CERS6: variants seen among roughly 807,000 people sequenced by gnomAD.
The protein encoded by CERS6 is LAG1 homolog, ceramide synthase 6.
In CERS6, 26 loss-of-function variants were observed where a neutral mutation model predicts 56.8. The ratio of observed to expected loss-of-function variants is 0.46; its 90% CI spans 0.34 to 0.63. The LOEUF is 0.63. CERS6 is among the 30% of genes least tolerant of loss of function. The pLI, the probability that CERS6 is intolerant of heterozygous loss-of-function variation, is 0.01. For synonymous variants in CERS6, 164 were observed against 173.3 expected, an observed-to-expected ratio of 0.95 and a Z score of 0.42; for missense variants, 415 against 467.5, an observed-to-expected ratio of 0.89 and a Z score of 1.04.
intron 1 of CERS6, among the ~76,000 whole-genome samples, chr2:168,545,981 G>T (rs1695459045): frequency 2.0e-5 from 3 of 152,160 alleles, no homozygotes. Flanking sequence ...CACACCAAAT[G>T]CATTTTGTGG....
rs117178882 is a variant in CERS6 at position 168,618,058 on chromosome 2, G to A, written c.408-12927G>A. ...CATAATCAAGTGAGTTTCATACCAG[G>A]GATACAGGAGTGGTTTAACATACAT... On this transcript the variant is annotated intron_variant, in intron 3 of 9. Coordinates refer to ENST00000305747, the MANE Select transcript of CERS6 (RefSeq NM_203463.3). Among the ~76,000 whole-genome samples, 12 of 152,178 alleles carry A rather than the reference G, an allele frequency of 7.9e-5. No individual in the cohort carries two copies. The East Asian group carries it at 2.3e-3, about 29-fold the overall frequency.
chr2:168,559,858 A>G (rs1446712447), intron 2 of CERS6, among the ~76,000 whole-genome samples: 1 of 150,856 alleles, frequency 6.6e-6, no homozygotes, highest in African/African-American at 2.4e-5. Flanking sequence ...GAAAGATTAA[A>G]TAAACATAGT....
At chr2:168,725,338 G>T (rs1439511824) in intron 8 of CERS6, among the ~76,000 whole-genome samples, 2 of 152,258 alleles carry the variant, frequency 1.3e-5, no homozygotes. Context: ...GCCCAGAAAG[G>T]GGCTCCCACA....
intron 3 of CERS6, among the ~76,000 whole-genome samples, chr2:168,571,509 C>T (rs916674474): frequency 6.6e-6 from 1 of 152,040 alleles, no homozygotes; most frequent in Non-Finnish European, 1.5e-5. Flanking sequence ...CAAGCCATTT[C>T]TCAAGTTGGA....
chr2:168,747,992 A>T (rs895067801), intron 8 of CERS6, among the ~76,000 whole-genome samples: 2 of 152,196 alleles, frequency 1.3e-5, no homozygotes, highest in African/African-American at 4.8e-5. Context: ...TCATGTTTTC[A>T]TAAGCCAGTT....
At chr2:168,626,309 T>G (rs1684589722) in intron 3 of CERS6, among the ~76,000 whole-genome samples, 1 of 152,126 alleles carries the variant, frequency 6.6e-6, no homozygotes, top group Non-Finnish European at 1.5e-5. Flanking sequence ...CTGGTCTCCC[T>G]AGAACATGTG....
chr2:168,534,384 C>G lies in CERS6; in HGVS notation c.171-13212C>G, dbSNP rs186229522. On this transcript the variant is annotated intron_variant, in intron 1 of 9. Coordinates refer to ENST00000305747, the MANE Select transcript of CERS6 (RefSeq NM_203463.3). The stretch of plus-strand genomic sequence containing the variant: ...AGTTTCGATCTTTGAACCTGCTAAC[C>G]CTTGGATGCGGTTTTTGTGGGGCTT... 2.8e-3 allele frequency among the ~76,000 whole-genome samples: 417 copies of G among 147,530 alleles called. 1 individual carries two copies. The highest frequency in any genetic ancestry group is 9.7e-3 in the African/African-American group (394 of 40,522).
intron 3 of CERS6, among the ~76,000 whole-genome samples, chr2:168,574,370 TTGTG>T (rs59913751): frequency 0.012 from 1,735 of 148,738 alleles, 20 homozygotes; most frequent in Non-Finnish European, 0.014. Flanking sequence ...TCAATAAGTT[TTGTG>T]TGTGTGTGTG....
chr2:168,523,521 C>T (rs946654102), intron 1 of CERS6, among the ~76,000 whole-genome samples: 14 of 152,048 alleles, frequency 9.2e-5, no homozygotes, highest in African/African-American at 3.4e-4. Context: ...GGAAGAGCCA[C>T]ACTGTGTACG....
chr2:168,680,559 C>T (rs1430484979), intron 4 of CERS6, among the ~76,000 whole-genome samples: 1 of 151,504 alleles, frequency 6.6e-6, no homozygotes. Context: ...TCCCCTCCCA[C>T]CCCACCCTCC....
intron 3 of CERS6, among the ~76,000 whole-genome samples, chr2:168,598,594 GAATAT>G (rs1483007735): frequency 2.0e-5 from 3 of 151,672 alleles, no homozygotes; most frequent in African/African-American, 7.3e-5. Context: ...GGCAATCCAA[GAATAT>G]AATGCCATCA....
At chr2:168,758,436 T>C (rs1217301298) in intron 8 of CERS6, among the ~76,000 whole-genome samples, 3 of 152,234 alleles carry the variant, frequency 2.0e-5, no homozygotes, top group Non-Finnish European at 4.4e-5. Context: ...GTGGGTTTTT[T>C]TAGAGATCAT....
intron 4 of CERS6, among the ~76,000 whole-genome samples, chr2:168,655,234 A>C (rs572100789): frequency 6.4e-4 from 98 of 152,268 alleles, no homozygotes; most frequent in South Asian, 5.2e-3. Context: ...AAAGAGAGAA[A>C]TGTTGGCAAG....
At chr2:168,703,129 A>G (rs1426387988) in intron 6 of CERS6, among the ~76,000 whole-genome samples, 1 of 152,244 alleles carries the variant, frequency 6.6e-6, no homozygotes, top group African/African-American at 2.4e-5. Context: ...CTCAGTTCCA[A>G]CAGTGGGTAT....
At chr2:168,621,234 CT>C (rs1233018467) in intron 3 of CERS6, among the ~76,000 whole-genome samples, 1 of 152,168 alleles carries the variant, frequency 6.6e-6, no homozygotes, top group Non-Finnish European at 1.5e-5. Context: ...CATTTGGCTA[CT>C]TTTGCTTGAA....
In CERS6 at chr2:168,645,818, G is replaced by A. The variant is rs568717633; in HGVS notation, c.465+14776G>A. On this transcript the variant is annotated intron_variant, in intron 4 of 9. Coordinates refer to ENST00000305747, the MANE Select transcript of CERS6 (RefSeq NM_203463.3). ...TGGTTTTCTGTTTCTGTGTTAGTTT[G>A]CTAAAGATAATGATCTCCAGGTCCA... 3.3e-5 allele frequency among the ~76,000 whole-genome samples: 5 copies of A among 152,230 alleles called. No homozygotes were observed. In the East Asian group the frequency reaches 9.6e-4, roughly 29 times the overall value.
At chr2:168,604,617 C>T (rs1368715268) in intron 3 of CERS6, among the ~76,000 whole-genome samples, 2 of 152,134 alleles carry the variant, frequency 1.3e-5, no homozygotes, top group Admixed American at 6.5e-5. Flanking sequence ...AACATCATCC[C>T]TCCTTGGTAC....
chr2:168,558,658 A>C (rs1271034258), intron 2 of CERS6, among the ~76,000 whole-genome samples: 1 of 152,236 alleles, frequency 6.6e-6, no homozygotes. Context: ...TCACAAGGTC[A>C]GGAGATCGAG....
chr2:168,479,526 T>C (rs1694139547), intron 1 of CERS6, among the ~76,000 whole-genome samples: 1 of 152,264 alleles, frequency 6.6e-6, no homozygotes, highest in African/African-American at 2.4e-5. Flanking sequence ...GAAAGTTTAA[T>C]GCATGCTTAT....
Sources: gnomAD v4.1 joint callset for allele counts (sites outside exome capture counted in the v4.1 genomes callset) on GRCh38, gnomAD v4.1.1 for gene constraint, MANE v1.5 for transcripts, NCBI Gene and HGNC (gene_info 2026-07-23, HGNC 2026-07-21) for gene names.